Variants in PTPN11 observed in about 807,000 individuals in gnomAD.
PTPN11 encodes tyrosine-protein phosphatase non-receptor type 11.
In PTPN11, 6 loss-of-function variants were observed where a neutral mutation model predicts 78.8. The ratio of observed to expected loss-of-function variants is 0.08; its 90% CI spans 0.04 to 0.15. PTPN11 has a LOEUF of 0.15. Among genes scored for constraint, PTPN11 ranks in the 10% least tolerant of loss-of-function variants. The pLI, the probability that PTPN11 is intolerant of heterozygous loss-of-function variation, is 1.00. For synonymous variants in PTPN11, 221 were observed against 263.5 expected (o/e 0.84, Z 1.56); for missense variants, 386 against 744.8 (o/e 0.52, Z 5.61).
intron 6 of PTPN11, among the ~76,000 whole-genome samples, chr12:112,466,034 G>A (rs891346675): frequency 3.1e-4 from 47 of 152,280 alleles, no homozygotes; most frequent in African/African-American, 1.0e-3. Flanking sequence ...GGTTTTGGGG[G>A]TGGAGCAGTG....
intron 12 of PTPN11, 25 bp downstream of exon 12, chr12:112,488,535 C>T (rs772778585): frequency 5.7e-6 from 9 of 1,572,266 alleles, no homozygotes; most frequent in African/African-American, 4.1e-5. Flanking sequence ...GGGCAAGAAG[C>T]GACAGTTTCT....
At chr12:112,448,212 T>G (rs1297742422) in intron 2 of PTPN11, among the ~76,000 whole-genome samples, 1 of 151,814 alleles carries the variant, frequency 6.6e-6, no homozygotes, top group Non-Finnish European at 1.5e-5. Flanking sequence ...TTCTTTTTCT[T>G]TTTTTCTTTT....
At chr12:112,434,692 G>T (rs909557793) in intron 1 of PTPN11, among the ~76,000 whole-genome samples, 2 of 152,156 alleles carry the variant, frequency 1.3e-5, no homozygotes, top group Non-Finnish European at 2.9e-5. Context: ...ATTTGTGTGT[G>T]TGTCGAGTGT....
Position 112,506,220 on chromosome 12 carries a change from T to C in PTPN11, c.*428T>C, listed in dbSNP as rs930775189. 3 of 152,158 alleles carry C rather than the reference T, an allele frequency of 2.0e-5. No individual in the cohort carries two copies. The highest frequency in any genetic ancestry group is 7.2e-5 in the African/African-American group (3 of 41,434). 9.4% of individuals were successfully genotyped at this position (152,158 alleles called of 1,614,324 possible). ...GTTGGGGATGATGAGAAGAAATGAT[T>C]TGGGAAAATTAAGTAACAACGACCT... On this transcript the variant is annotated 3_prime_UTR_variant, in exon 16 of 16. Transcript: ENST00000351677.
chr12:112,481,751 C>T (rs1034843240), intron 9 of PTPN11, among the ~76,000 whole-genome samples: 8 of 152,160 alleles, frequency 5.3e-5, no homozygotes, highest in Admixed American at 2.6e-4. Context: ...CTCGGCCACC[C>T]GAACTGCTGG....
intron 1 of PTPN11, among the ~76,000 whole-genome samples, chr12:112,445,570 G>T (rs890586461): frequency 2.6e-5 from 4 of 151,652 alleles, no homozygotes; most frequent in Admixed American, 2.6e-4. Flanking sequence ...TCATATTTGT[G>T]TCTCCCCAAC....
intron 9 of PTPN11, among the ~76,000 whole-genome samples, chr12:112,481,744 G>A (rs1381642993): frequency 1.3e-5 from 2 of 152,044 alleles, no homozygotes; most frequent in African/African-American, 4.8e-5. Flanking sequence ...TGCCCGCCTC[G>A]GCCACCCGAA....
At chr12:112,439,107 T>C in intron 1 of PTPN11, among the ~76,000 whole-genome samples, 1 of 152,114 alleles carries the variant, frequency 6.6e-6, no homozygotes, top group East Asian at 1.9e-4. Context: ...TTCCATTTTA[T>C]AGGACTTAAC....
At chr12:112,459,128 A>T (rs2038208739) in intron 6 of PTPN11, among the ~76,000 whole-genome samples, 1 of 152,172 alleles carries the variant, frequency 6.6e-6, no homozygotes, top group Non-Finnish European at 1.5e-5. Context: ...CCTAAATAAT[A>T]AAAGGCAGCA....
intron 1 of PTPN11, among the ~76,000 whole-genome samples, chr12:112,445,215 T>C (rs2037973967): frequency 6.6e-6 from 1 of 152,168 alleles, no homozygotes; most frequent in Admixed American, 6.5e-5. Context: ...CACTGCAACC[T>C]CTGCCTCCTG....
In PTPN11 at chr12:112,454,595, G is replaced by A. The variant is rs764663951; in HGVS notation, c.557G>A (p.Arg186Gln). 1.2e-6 allele frequency: 2 copies of A among 1,613,686 alleles called. No homozygotes were observed. The highest frequency in any genetic ancestry group is 1.7e-6 in the Non-Finnish European group (2 of 1,179,744). The change falls in exon 5 of 16, where the codon CGG becomes CAG. Residue 186 changes from arginine to glutamine, a missense_variant. Arg to Gln is a conservative substitution (Grantham distance 43). This residue lies in a region of PTPN11 where 279 missense variants were observed against 503.3 expected (regional missense o/e 0.55). Transcript: ENST00000351677. ...AAATACGACGTTGGTGGAGGAGAACGGTTTGATTCTTTGACAGATCTTGTG... is the reference window on the plus strand; with the variant it reads ...AAATACGACGTTGGTGGAGGAGAACAGTTTGATTCTTTGACAGATCTTGTG... ...ELKYDVGGGERFDSLTDLVEH... is the reference protein window; with the variant it reads ...ELKYDVGGGEQFDSLTDLVEH...
chr12:112,453,095 A>T, intron 3 of PTPN11, 100 bp from the exon 4 acceptor site: 1 of 1,017,534 alleles, frequency 9.8e-7, no homozygotes, highest in Non-Finnish European at 1.5e-6. Flanking sequence ...TCTACTTTTT[A>T]ATTGTGTTTA....
intron 1 of PTPN11, among the ~76,000 whole-genome samples, chr12:112,432,039 A>T (rs1430607436): frequency 1.3e-5 from 2 of 152,200 alleles, no homozygotes; most frequent in African/African-American, 2.4e-5. Context: ...ATCTAATAGG[A>T]AATGAGCAAC....
intron 13 of PTPN11, among the ~76,000 whole-genome samples, chr12:112,501,274 C>T (rs1407253517): frequency 6.6e-6 from 1 of 152,188 alleles, no homozygotes; most frequent in Non-Finnish European, 1.5e-5. Context: ...TGCATGACTG[C>T]TGGTTTTCTT....
chr12:112,496,896 C>A (rs1291791357), intron 13 of PTPN11, among the ~76,000 whole-genome samples: 2 of 152,100 alleles, frequency 1.3e-5, no homozygotes, highest in Non-Finnish European at 2.9e-5. Context: ...TTTAAAAATT[C>A]TGTAATGGGT....
At chr12:112,442,829 TTTATATATATA>T (rs1566162526) in intron 1 of PTPN11, among the ~76,000 whole-genome samples, 7 of 56,908 alleles carry the variant, frequency 1.2e-4, no homozygotes, top group Non-Finnish European at 1.9e-4. Context: ...TCTCTCTCTT[TTTATATATATA>T]TATATATATA....
At chr12:112,437,302 C>T (rs2037809011) in intron 1 of PTPN11, among the ~76,000 whole-genome samples, 1 of 152,000 alleles carries the variant, frequency 6.6e-6, no homozygotes, top group African/African-American at 2.4e-5. Context: ...GGATTACAGG[C>T]ACCTGCCACC....
intron 12 of PTPN11, among the ~76,000 whole-genome samples, chr12:112,488,728 G>A (rs910282522): frequency 6.6e-6 from 1 of 152,140 alleles, no homozygotes; most frequent in Non-Finnish European, 1.5e-5. Flanking sequence ...CACTGCCATG[G>A]CCTTTTGTTG....
At chr12:112,488,988 A>G (rs1359265914) in intron 12 of PTPN11, 36 bp from the exon 13 acceptor site, 2 of 1,611,662 alleles carry the variant, frequency 1.2e-6, no homozygotes, top group African/African-American at 2.7e-5. Context: ...CTGGCTCTGC[A>G]GTTTCTCTTT....
Sources: allele counts gnomAD v4.1 joint callset (sites outside exome capture counted in the v4.1 genomes callset), GRCh38; gene constraint gnomAD v4.1.1; regional missense constraint gnomAD v4.1.1; transcripts MANE v1.5; gene names NCBI Gene and HGNC (gene_info 2026-07-23, HGNC 2026-07-21).